The following ADGRG3 variants were observed in gnomAD, a reference collection of about 807,000 sequenced individuals.
ADGRG3 encodes adhesion G protein-coupled receptor G3, also known as G protein-coupled receptor 97.
ADGRG3 carries 39 observed loss-of-function variants against 54.3 expected under a neutral mutation model. The observed-to-expected ratio is 0.72, with a 90% CI of 0.56 to 0.94. The LOEUF (loss-of-function observed/expected upper bound fraction) is 0.94. ADGRG3 is among the 40% of genes least tolerant of loss of function. The pLI is 0.00. For missense variants in ADGRG3, 654 were observed against 694.6 expected (o/e 0.94, Z 0.66); for synonymous variants, 312 against 290.0 (o/e 1.08, Z -0.77).
rs200130702 is a variant in ADGRG3 at position 57,685,834 on chromosome 16, C to G, written c.1448C>G (p.Ser483Trp). The change falls in exon 11 of 12, where the codon TCG (serine) becomes TGG (tryptophan). Residue 483 changes from serine to tryptophan, a missense_variant. Physicochemically the swap from Ser to Trp is radical, Grantham distance 177. Transcript: ENST00000333493. ...AAGGTGCTCACCCTGCTGGGCCTCT[C>G]GAGCCTGGTGGGTGTGACATGGGGG... Reference protein sequence around the residue: ...RKKVLTLLGLSSLVGVTWGLA... With the variant: ...RKKVLTLLGLWSLVGVTWGLA... 4 of 1,614,168 alleles carry G rather than the reference C, an allele frequency of 2.5e-6. No individual in the cohort carries two copies. The highest frequency in any genetic ancestry group is 2.2e-5 in the East Asian group (1 of 44,888).
In ADGRG3 at chr16:57,684,184, C is replaced by A. The variant is rs781433598; in HGVS notation, c.1134C>A (p.Tyr378Ter). 4.3e-6 allele frequency: 7 copies of A among 1,613,506 alleles called. No homozygotes were observed. Among genetic ancestry groups the A allele is most frequent in the Admixed American group, 3.3e-5 (2 of 59,954 alleles). Reference sequence around the variant, plus strand: ...TCTTCAACACCTACTTCGGGCACTACTTCCTGAAGCTGAGCCTGGTGGGCT... The same window carrying A: ...TCTTCAACACCTACTTCGGGCACTAATTCCTGAAGCTGAGCCTGGTGGGCT... ...VRVFNTYFGH[Y>*]FLKLSLVGWG... The change falls in exon 9 of 12, where the codon TAC becomes TAA. Residue 378 changes from tyrosine to a stop codon, truncating the protein, a stop_gained. Transcript: ENST00000333493. LOFTEE classifies it high-confidence loss of function.
At chr16:57,674,161 A>C (rs1327403144) in intron 2 of ADGRG3, among the ~76,000 whole-genome samples, 5 of 152,126 alleles carry the variant, frequency 3.3e-5, no homozygotes, top group African/African-American at 1.2e-4. Context: ...GCAGGAAGAC[A>C]TGACCCAGTA....
intron 1 of ADGRG3, among the ~76,000 whole-genome samples, chr16:57,670,092 C>T (rs1034092236): frequency 2.0e-5 from 3 of 152,128 alleles, no homozygotes; most frequent in Non-Finnish European, 2.9e-5. Context: ...AGGAGCCATG[C>T]GGGGTGGGGG....
At chr16:57,667,549 C>T (rs916305903), upstream of ADGRG3, among the ~76,000 whole-genome samples, 14 of 152,256 alleles carry the variant, frequency 9.2e-5, no homozygotes, top group Non-Finnish European at 1.8e-4. Context: ...GCTCCGCCTG[C>T]GTCATCCATG....
chr16:57,685,528 T>C, intron 10 of ADGRG3, 115 bp from the exon 11 acceptor site: 2 of 983,538 alleles, frequency 2.0e-6, no homozygotes, highest in South Asian at 1.5e-5. Flanking sequence ...CAGGGATTGA[T>C]GGGTGGAAAT....
In ADGRG3 at chr16:57,678,196, G is replaced by A; in HGVS notation, c.372G>A (p.Glu124=). 2 of 1,614,190 alleles carry A rather than the reference G, an allele frequency of 1.2e-6. No individual in the cohort carries two copies. The highest frequency in any genetic ancestry group is 1.7e-6 in the Non-Finnish European group (2 of 1,180,012). The stretch of plus-strand genomic sequence containing the variant: ...TTCCGAGGCAGGTGATGAAGGACGA[G>A]GACAAGCCCCCTGACAGAGTGCGAC... ...SQVPRQVMKD[E]DKPPDRVRLP... The change falls in exon 4 of 12, where the codon GAG becomes GAA. Residue 124 remains glutamate, a synonymous_variant. Transcript: ENST00000333493.
intron 3 of ADGRG3, 118 bp downstream of exon 3, chr16:57,676,456 T>G: frequency 1.1e-6 from 1 of 930,326 alleles, no homozygotes; most frequent in Non-Finnish European, 1.6e-6. Context: ...CTCCCCCACG[T>G]CCCAATTGGC....
At chr16:57,677,299 G>A (rs2048280950) in intron 3 of ADGRG3, among the ~76,000 whole-genome samples, 1 of 152,182 alleles carries the variant, frequency 6.6e-6, no homozygotes, top group Non-Finnish European at 1.5e-5. Flanking sequence ...AACATGCTTT[G>A]CAGCCGGGCA....
chr16:57,679,388 C>A, intron 5 of ADGRG3, 77 bp downstream of exon 5: 1 of 1,469,718 alleles, frequency 6.8e-7, no homozygotes, highest in Non-Finnish European at 9.4e-7. Flanking sequence ...ATGGGCCCTG[C>A]ATGGGACACT....
chr16:57,667,110 A>G (rs2048075217), upstream of ADGRG3, among the ~76,000 whole-genome samples: 1 of 152,160 alleles, frequency 6.6e-6, no homozygotes, highest in African/African-American at 2.4e-5. Context: ...CTGAATTCCC[A>G]CCTGCTCCCA....
intron 3 of ADGRG3, among the ~76,000 whole-genome samples, chr16:57,676,751 G>C (rs2048272042): frequency 6.6e-6 from 1 of 152,234 alleles, no homozygotes; most frequent in African/African-American, 2.4e-5. Flanking sequence ...CGCAATTTCA[G>C]CACTTTGGGA....
chr16:57,672,094 C>T (rs371199033), intron 1 of ADGRG3, among the ~76,000 whole-genome samples: 1 of 151,946 alleles, frequency 6.6e-6, no homozygotes, highest in African/African-American at 2.4e-5. Context: ...GTTGGAGGAT[C>T]GATTGAGCCT....
intron 3 of ADGRG3, among the ~76,000 whole-genome samples, chr16:57,677,903 C>T (rs562767429): frequency 4.6e-5 from 7 of 152,336 alleles, no homozygotes; most frequent in African/African-American, 1.7e-4. Context: ...CTTGCCCAGG[C>T]ATCAGGTGCC....
At chr16:57,679,888 C>G (rs1037095247) in intron 6 of ADGRG3, 33 bp downstream of exon 6, 12 of 1,558,386 alleles carry the variant, frequency 7.7e-6, no homozygotes, top group East Asian at 4.5e-5. Context: ...TGGGGTAAGA[C>G]AGGAAGGGAG....
chr16:57,686,563 C>G (rs1447661314), intron 11 of ADGRG3: 1 of 152,804 alleles, frequency 6.5e-6, no homozygotes, highest in Non-Finnish European at 1.5e-5. Context: ...GCCACCCAAA[C>G]CAAAGCAGAT....
upstream of ADGRG3, among the ~76,000 whole-genome samples, chr16:57,667,529 G>A (rs1250186656): frequency 6.6e-6 from 1 of 152,278 alleles, no homozygotes; most frequent in Admixed American, 6.5e-5. Flanking sequence ...TGATGTAATG[G>A]CCACAGGCGG....
At chr16:57,666,481 A>G (rs553160414), upstream of ADGRG3, among the ~76,000 whole-genome samples, 1 of 152,330 alleles carries the variant, frequency 6.6e-6, no homozygotes, top group African/African-American at 2.4e-5. Context: ...CCAGGCGTGC[A>G]TCTGGAAACA....
At chr16:57,680,762 G>A in intron 8 of ADGRG3, 145 bp downstream of exon 8, 3 of 634,732 alleles carry the variant, frequency 4.7e-6, no homozygotes, top group East Asian at 2.7e-5. Context: ...GGGGTTGGGG[G>A]TTGAAATGTG....
Position 57,679,366 on chromosome 16 carries a change from A to T in ADGRG3, c.627+55A>T. 1.3e-6 allele frequency: 2 copies of T among 1,587,214 alleles called. 1 individual carries two copies. Among genetic ancestry groups the T allele is most frequent in the South Asian group, 2.2e-5 (2 of 90,540 alleles). On this transcript the variant is annotated intron_variant, in intron 5 of 11. Transcript: ENST00000333493. ...CTGCAGGGCAGACAGGCGAGTGGGC[A>T]CACCTGGGCCCATGGGCCCTGCATG...
Sources: allele counts gnomAD v4.1 joint callset (sites outside exome capture counted in the v4.1 genomes callset), GRCh38; gene constraint gnomAD v4.1.1; transcripts MANE v1.5; gene names NCBI Gene and HGNC (gene_info 2026-07-23, HGNC 2026-07-21).